Variants in ARHGAP26 observed in about 807,000 individuals in gnomAD.
The protein encoded by ARHGAP26 is Rho GTPase activating protein 26.
Under a neutral mutation model 104.8 loss-of-function variants are expected in ARHGAP26, and 38 were observed. That is an observed-to-expected ratio of 0.36 (90% CI 0.28 to 0.48). The LOEUF (loss-of-function observed/expected upper bound fraction) is 0.48, where lower values mean the gene tolerates loss of function less well. Ranked by LOEUF, ARHGAP26 falls within the 20% of genes least tolerant of loss-of-function variation. ARHGAP26 has a pLI of 0.99. For synonymous variants in ARHGAP26, 341 were observed against 340.0 expected (o/e 1.00, Z -0.03); for missense variants, 704 against 947.9 (o/e 0.74, Z 3.38).
chr5:142,891,159 G>A (rs552627589), intron 5 of ARHGAP26, among the ~76,000 whole-genome samples: 27 of 152,070 alleles, frequency 1.8e-4, no homozygotes, highest in African/African-American at 6.0e-4. Context: ...GGGCTTAGCC[G>A]CAGGAGCCCA....
chr5:143,006,612 G>A (rs560245216), intron 11 of ARHGAP26, among the ~76,000 whole-genome samples: 11 of 152,164 alleles, frequency 7.2e-5, no homozygotes, highest in Admixed American at 5.9e-4. Context: ...AAACAGAAAA[G>A]TAGCAACAGC....
chr5:143,072,694 G>T (rs1037478675), intron 17 of ARHGAP26, among the ~76,000 whole-genome samples: 1 of 152,034 alleles, frequency 6.6e-6, no homozygotes, highest in Admixed American at 6.5e-5. Context: ...AAAAAAGGTC[G>T]ATCTCATAGA....
chr5:142,869,808 C>T (rs1185392767), intron 1 of ARHGAP26, among the ~76,000 whole-genome samples: 6 of 152,106 alleles, frequency 3.9e-5, no homozygotes, highest in South Asian at 2.1e-4. Flanking sequence ...CTCTTAAATC[C>T]GGTGCAGATT....
chr5:142,965,316 C>T (rs1246618523), intron 11 of ARHGAP26, among the ~76,000 whole-genome samples: 1 of 152,214 alleles, frequency 6.6e-6, no homozygotes, highest in Non-Finnish European at 1.5e-5. Flanking sequence ...GGAGCAGAGT[C>T]TTCTCTAAAC....
rs1798137537 is a variant in ARHGAP26 at position 143,138,376 on chromosome 5, A to G, written c.1837+4271A>G. Among the ~76,000 whole-genome samples, 5 of 152,356 alleles carry G rather than the reference A, an allele frequency of 3.3e-5. 1 individual carries two copies. In the South Asian group the frequency reaches 1.0e-3, roughly 32 times the overall value. Reference sequence around the variant, plus strand: ...AACTTTGTGGACAAGAGGAAAGGGAATGATGGGGAAATGCAGGATTTAGAA... The same window carrying G: ...AACTTTGTGGACAAGAGGAAAGGGAGTGATGGGGAAATGCAGGATTTAGAA... On this transcript the variant is annotated intron_variant, in intron 19 of 22. Coordinates refer to ENST00000645722, the MANE Select transcript of ARHGAP26 (RefSeq NM_001135608.3).
chr5:142,898,538 G>C (rs946497320), intron 6 of ARHGAP26, among the ~76,000 whole-genome samples: 2 of 152,018 alleles, frequency 1.3e-5, no homozygotes, highest in African/African-American at 4.8e-5. Context: ...TCTTTTCTCT[G>C]GACTTTGCAT....
intron 20 of ARHGAP26, among the ~76,000 whole-genome samples, chr5:143,155,052 C>A (rs965157706): frequency 6.6e-6 from 1 of 152,096 alleles, no homozygotes; most frequent in Non-Finnish European, 1.5e-5. Context: ...ATGGAGAATT[C>A]TGTTTCTCAC....
chr5:143,049,256 A>C (rs1042913774), intron 14 of ARHGAP26, among the ~76,000 whole-genome samples: 1 of 152,120 alleles, frequency 6.6e-6, no homozygotes, highest in African/African-American at 2.4e-5. Context: ...CTGATTCTTT[A>C]TATTCTAGCA....
chr5:143,220,048 G>A (rs1409529795), intron 22 of ARHGAP26, among the ~76,000 whole-genome samples: 1 of 152,142 alleles, frequency 6.6e-6, no homozygotes, highest in South Asian at 2.1e-4. Flanking sequence ...TTTCACCCCA[G>A]TACCTGTGCT....
chr5:142,847,823 C>T (rs2152240941), intron 1 of ARHGAP26, among the ~76,000 whole-genome samples: 1 of 152,308 alleles, frequency 6.6e-6, no homozygotes, highest in Non-Finnish European at 1.5e-5. Flanking sequence ...GGAGGTTTGG[C>T]CCATCTGGAC....
intron 6 of ARHGAP26, among the ~76,000 whole-genome samples, chr5:142,899,376 G>GA (rs1272451148): frequency 6.6e-6 from 1 of 152,054 alleles, no homozygotes. Context: ...TTTTTAAAAT[G>GA]AAAAAAATAA....
At chr5:143,076,340 T>A (rs1210111300) in intron 17 of ARHGAP26, among the ~76,000 whole-genome samples, 1 of 152,106 alleles carries the variant, frequency 6.6e-6, no homozygotes, top group African/African-American at 2.4e-5. Flanking sequence ...ACTGCACTTT[T>A]TAAAATTCTC....
At position 142,875,134 on chromosome 5, in the gene ARHGAP26, C is replaced by T. The variant is rs1755897533; in HGVS notation, c.275C>T (p.Thr92Ile). 1 of 1,614,152 alleles carries T rather than the reference C, an allele frequency of 6.2e-7. No individual in the cohort carries two copies. The highest frequency in any genetic ancestry group is 8.5e-7 in the Non-Finnish European group (1 of 1,180,004). ...GCAAGATCTTTGCAGGAGTTTGCCA[C>T]TGTCCTCAGGAATCTTGAAGATGAA... ...CIARSLQEFA[T>I]VLRNLEDERI... Residue 92 changes from threonine to isoleucine, a missense_variant, in exon 3 of 23, where the codon ACT (threonine) becomes ATT (isoleucine). Coordinates refer to ENST00000645722, the MANE Select transcript of ARHGAP26 (RefSeq NM_001135608.3).
At chr5:142,794,288 T>C (rs1760499553) in intron 1 of ARHGAP26, among the ~76,000 whole-genome samples, 1 of 151,776 alleles carries the variant, frequency 6.6e-6, no homozygotes. Flanking sequence ...AGCCCCAGAG[T>C]AGAGTTGACA....
intron 1 of ARHGAP26, among the ~76,000 whole-genome samples, chr5:142,791,500 T>A (rs1355606407): frequency 1.3e-5 from 2 of 152,184 alleles, no homozygotes; most frequent in Non-Finnish European, 2.9e-5. Context: ...GCTGGGCCAG[T>A]TGACTTTCGG....
At position 142,770,705 on chromosome 5, in the gene ARHGAP26, G is replaced by T. The variant is rs2276992; in HGVS notation, c.-57G>T. 2.7e-5 allele frequency: 30 copies of T among 1,100,740 alleles called. No individual in the cohort carries two copies. The East Asian group carries it at 1.1e-3, about 39-fold the overall frequency. 68.2% of individuals were successfully genotyped at this position (1,100,740 alleles called of 1,614,324 possible). On this transcript the variant is annotated 5_prime_UTR_variant, in exon 1 of 23. Transcript: ENST00000645722. ...GTCCCGCCGCGTGAGTGCTCTGGGC[G>T]GCGGGCGGCCCGGGCCCCGGCGGAG...
intron 17 of ARHGAP26, among the ~76,000 whole-genome samples, chr5:143,064,935 G>C (rs1356354795): frequency 6.6e-6 from 1 of 152,210 alleles, no homozygotes; most frequent in African/African-American, 2.4e-5. Context: ...AGCAGTCTTA[G>C]AGCTCCTTTG....
chr5:142,914,724 G>A (rs764443504), intron 10 of ARHGAP26, among the ~76,000 whole-genome samples: 4 of 152,048 alleles, frequency 2.6e-5, no homozygotes, highest in African/African-American at 9.7e-5. Context: ...CTTGAACTGG[G>A]GTAGCAAAGG....
chr5:142,905,392 T>A (rs899400667), intron 8 of ARHGAP26, among the ~76,000 whole-genome samples: 1 of 57,474 alleles, frequency 1.7e-5, no homozygotes, highest in Non-Finnish European at 2.7e-5. Flanking sequence ...GATACAGCAC[T>A]TTTTTTTTAA....
Sources: gnomAD v4.1 joint callset for allele counts (sites outside exome capture counted in the v4.1 genomes callset) on GRCh38, gnomAD v4.1.1 for gene constraint, MANE v1.5 for transcripts, NCBI Gene and HGNC (gene_info 2026-07-23, HGNC 2026-07-21) for gene names.